The following DNAI4 variants were observed in gnomAD, a reference collection of about 807,000 sequenced individuals.
The protein encoded by DNAI4 is WD repeat domain 78.
DNAI4 carries 85 observed loss-of-function variants against 105.8 expected under a neutral mutation model. The ratio of observed to expected loss-of-function variants is 0.80; its 90% CI spans 0.67 to 0.96. DNAI4 has a LOEUF of 0.96. Among genes scored for constraint, DNAI4 ranks in the 40% least tolerant of loss-of-function variants. The pLI, the probability that DNAI4 is intolerant of heterozygous loss-of-function variation, is 0.00. For synonymous variants in DNAI4, 352 were observed against 331.5 expected (o/e 1.06, Z -0.67); for missense variants, 1,014 against 1,005.6 (o/e 1.01, Z -0.11).
chr1:66,898,693 TG>T (rs1403575515), intron 2 of DNAI4, among the ~76,000 whole-genome samples: 1 of 152,144 alleles, frequency 6.6e-6, no homozygotes. Flanking sequence ...CCTCGAGAAA[TG>T]TCAGAAATAC....
At chr1:66,921,990 C>T (rs1053132278) in intron 1 of DNAI4, among the ~76,000 whole-genome samples, 1 of 151,566 alleles carries the variant, frequency 6.6e-6, no homozygotes, top group African/African-American at 2.4e-5. Context: ...ATCACCTTCC[C>T]GGTCTCAAGT....
intron 4 of DNAI4, among the ~76,000 whole-genome samples, chr1:66,882,155 G>C (rs764665869): frequency 6.6e-6 from 1 of 152,150 alleles, no homozygotes; most frequent in Non-Finnish European, 1.5e-5. Context: ...TGAAAACAGA[G>C]TAATACAGTT....
rs771153305 is a variant in DNAI4, at chr1:66,890,788, A to G, written c.643+366T>C. On this transcript the variant is annotated intron_variant, in intron 4 of 16. Coordinates refer to ENST00000371026, the MANE Select transcript of DNAI4 (RefSeq NM_024763.5). The surrounding 1 kb of genome is among the most constrained non-coding windows in gnomAD (Gnocchi z 4.1). ...AAGAGGAAGAAGAGGAAGAGGAGGA[A>G]GAAGAAGTGAGGAAGAAGAGGAAAA... The G allele has an allele frequency of 4.5e-5, 13 of 289,228 alleles. No homozygotes were observed. Among genetic ancestry groups the G allele is most frequent in the Non-Finnish European group, 6.6e-5 (10 of 152,506 alleles). The allele number at this position is 289,228 out of a possible 1,614,324, so 17.9% of individuals were successfully genotyped here.
chr1:66,895,184 T>C (rs1342058527), intron 2 of DNAI4, among the ~76,000 whole-genome samples: 1 of 152,224 alleles, frequency 6.6e-6, no homozygotes, highest in African/African-American at 2.4e-5. Flanking sequence ...CATTTTAAAA[T>C]GTCTAATTTT....
intron 11 of DNAI4, 149 bp downstream of exon 11, chr1:66,835,477 G>C (rs2100428717): frequency 1.2e-6 from 1 of 821,706 alleles, no homozygotes; most frequent in Non-Finnish European, 1.9e-6. Flanking sequence ...TCCAGCTGGA[G>C]AGACAATATG....
At chr1:66,837,836 A>G (rs766516214) in intron 9 of DNAI4, 40 bp from the exon 10 acceptor site, 1 of 1,534,784 alleles carries the variant, frequency 6.5e-7, no homozygotes, top group Admixed American at 1.9e-5. Context: ...AAGAGAAGAT[A>G]GCATTAAAAT....
intron 1 of DNAI4, among the ~76,000 whole-genome samples, chr1:66,908,239 C>G (rs1319792323): frequency 6.6e-6 from 1 of 152,216 alleles, no homozygotes; most frequent in Admixed American, 6.5e-5. Context: ...TCTGGACAAC[C>G]TGATGCTATG....
chr1:66,876,643 A>G (rs951736976), intron 4 of DNAI4, among the ~76,000 whole-genome samples: 3 of 151,698 alleles, frequency 2.0e-5, no homozygotes, highest in African/African-American at 7.3e-5. Flanking sequence ...TTCAGAAACT[A>G]CCCCCAAACC....
At chr1:66,884,976 T>C (rs118093316) in intron 4 of DNAI4, among the ~76,000 whole-genome samples, 2 of 152,372 alleles carry the variant, frequency 1.3e-5, no homozygotes, top group East Asian at 1.9e-4. Context: ...GCATTTGGTG[T>C]TATAAATTTC....
At chr1:66,881,773 G>A (rs1647076314) in intron 4 of DNAI4, among the ~76,000 whole-genome samples, 1 of 152,156 alleles carries the variant, frequency 6.6e-6, no homozygotes, top group Non-Finnish European at 1.5e-5. Flanking sequence ...GAAATGTGAG[G>A]ACATGAGATT....
At chr1:66,818,612 G>T (rs1449423570) in intron 16 of DNAI4, among the ~76,000 whole-genome samples, 16 of 152,108 alleles carry the variant, frequency 1.1e-4, no homozygotes, top group Admixed American at 1.0e-3. Context: ...CTACTGTAGA[G>T]AACATTAGAA....
chr1:66,872,519 C>T lies in DNAI4; in HGVS notation c.801-1010G>A, dbSNP rs115249701. On this transcript the variant is annotated intron_variant, in intron 5 of 16. Transcript: ENST00000371026. ...CGCTGGGATTACAGGTGTGAGCCAC[C>T]GTGCCTGGCCCATGTTATTTTATTA... 5.1e-3 allele frequency among the ~76,000 whole-genome samples: 779 copies of T among 152,036 alleles called. 5 individuals are homozygous for T. The highest frequency in any genetic ancestry group is 9.3e-3 in the Non-Finnish European group (633 of 67,966).
In DNAI4 at chr1:66,847,466, T is replaced by C. The variant is rs774486860; in HGVS notation, c.1291+18A>G. 2 of 1,607,720 alleles carry C rather than the reference T, an allele frequency of 1.2e-6. No homozygotes were observed. Among genetic ancestry groups the C allele is most frequent in the Non-Finnish European group, 1.7e-6 (2 of 1,177,668 alleles). ...AGCAACTGCACCCAGCCTAAACATG[T>C]TTATTTTTTTTAAATACCTTTTAAA... On this transcript the variant is annotated intron_variant, in intron 8 of 16. Transcript: ENST00000371026.
At chr1:66,831,796 T>C (rs549211789) in intron 13 of DNAI4, among the ~76,000 whole-genome samples, 54 of 152,180 alleles carry the variant, frequency 3.5e-4, no homozygotes, top group African/African-American at 1.2e-3. Context: ...GAAAGAGAAA[T>C]AAAGGCAAGC....
At chr1:66,841,100 T>G (rs1646139558) in intron 8 of DNAI4, among the ~76,000 whole-genome samples, 1 of 152,126 alleles carries the variant, frequency 6.6e-6, no homozygotes, top group Non-Finnish European at 1.5e-5. Flanking sequence ...CCCCTGAAAT[T>G]TTGTCAGATT....
intron 2 of DNAI4, chr1:66,904,939 T>G (rs1276007812): frequency 2.6e-6 from 1 of 386,984 alleles, no homozygotes; most frequent in East Asian, 3.7e-5. Flanking sequence ...ATGTATATAA[T>G]TAATACCATA....
In DNAI4 at chr1:66,899,983, G is replaced by A. The variant is rs200356023; in HGVS notation, c.345+5218C>T. ...ATTGCTTTGTAACTTTTGAAACAGC[G>A]AAGTGTGAATCATCCTACTTTGCTC... On this transcript the variant is annotated intron_variant, in intron 2 of 16. Transcript: ENST00000371026. Among the ~76,000 whole-genome samples, 16 of 152,288 alleles carry A rather than the reference G, an allele frequency of 1.1e-4. 1 individual carries two copies. Among genetic ancestry groups the A allele is most frequent in the Admixed American group, 7.2e-4 (11 of 15,300 alleles).
intron 9 of DNAI4, among the ~76,000 whole-genome samples, chr1:66,838,762 C>A (rs912019720): frequency 3.3e-5 from 5 of 152,248 alleles, no homozygotes; most frequent in Admixed American, 1.3e-4. Flanking sequence ...TTGACATATC[C>A]CTATTTATCT....
At chr1:66,835,923 A>G (rs971952659) in intron 10 of DNAI4, 146 bp from the exon 11 acceptor site, 28 of 674,086 alleles carry the variant, frequency 4.2e-5, no homozygotes, top group Admixed American at 4.0e-4. Flanking sequence ...CCTAATTTCC[A>G]GTATAGAAAA....
Sources: gnomAD v4.1 joint callset for allele counts (sites outside exome capture counted in the v4.1 genomes callset) on GRCh38, gnomAD v4.1.1 for gene constraint, Gnocchi (gnomAD v3.1) non-coding constraint, MANE v1.5 for transcripts, NCBI Gene and HGNC (gene_info 2026-07-23, HGNC 2026-07-21) for gene names.